TMEM198: variants seen among roughly 807,000 people sequenced by gnomAD.
The protein encoded by TMEM198 is transmembrane protein 198.
In TMEM198, 21 loss-of-function variants were observed where a neutral mutation model predicts 31.5. That is an observed-to-expected ratio of 0.67 (90% confidence interval 0.47 to 0.96). The LOEUF (loss-of-function observed/expected upper bound fraction) is 0.96. Ranked by LOEUF, TMEM198 falls within the 40% of genes least tolerant of loss-of-function variation. TMEM198 has a pLI of 0.00. For missense variants in TMEM198, 447 were observed against 499.4 expected, an observed-to-expected ratio of 0.89 and a Z score of 1.00; for synonymous variants, 211 against 223.3, an observed-to-expected ratio of 0.95 and a Z score of 0.49.
In TMEM198 at chr2:219,547,828, C is replaced by T. The variant is rs764888097; in HGVS notation, c.489C>T (p.Leu163=). The part of the protein sequence containing the change: ...LLGGGLLCAL[L]TLRWPRPLTT... ...GGGGCGGCCTGCTCTGTGCCCTGCT[C>T]ACTCTGCGCTGGCCCCGCCCACTCA... is the stretch of plus-strand genomic sequence containing the variant. Residue 163 remains leucine, a synonymous_variant, in exon 3 of 5, where the codon CTC becomes CTT. Transcript: ENST00000373883. 3.0e-5 allele frequency: 48 copies of T among 1,590,238 alleles called. No individual in the cohort carries two copies. The highest frequency in any genetic ancestry group is 3.8e-5 in the Non-Finnish European group (45 of 1,174,314).
At chr2:219,544,596 C>A (rs1695352882) in intron 1 of TMEM198, 93 bp from the exon 2 acceptor site, 2 of 996,110 alleles carry the variant, frequency 2.0e-6, no homozygotes, top group Admixed American at 4.4e-5. Flanking sequence ...TTCCTTTGTC[C>A]ACTGTCCTTG....
rs1050765035 is a variant in TMEM198 at position 219,544,807 on chromosome 2, A to G, written c.80A>G (p.Glu27Gly). ...PDDAFWGAPC[E>G]QPLERRYQAL... The stretch of plus-strand genomic sequence containing the variant: ...GATGCCTTCTGGGGTGCACCTTGTG[A>G]ACAGCCCCTGGAGCGCAGGTACCAG... The change falls in exon 2 of 5, where the codon GAA (glutamate) becomes GGA (glycine). Residue 27 changes from glutamate (E) to glycine (G), a missense_variant. Physicochemically the swap from Glu to Gly is moderately conservative, Grantham distance 98. Coordinates refer to ENST00000373883, the MANE Select transcript of TMEM198 (RefSeq NM_001005209.3). The G allele has an allele frequency of 6.2e-7, 1 of 1,614,134 alleles. No homozygotes were observed. The highest frequency in any genetic ancestry group is 8.5e-7 in the Non-Finnish European group (1 of 1,180,020).
chr2:219,548,077 G>T lies in TMEM198; in HGVS notation c.738G>T (p.Thr246=). Residue 246 remains threonine, a synonymous_variant, in exon 3 of 5, where the codon ACG becomes ACT. Transcript: ENST00000373883. ...WRVTAEGDSH[T]EVVISRQRRR... ...TGACAGCTGAGGGGGACTCCCACAC[G>T]GAAGGTAAGGGGGCACAGGCCAAGG... The T allele has an allele frequency of 6.5e-7, 1 of 1,548,232 alleles. No homozygotes were observed. The highest frequency in any genetic ancestry group is 2.3e-5 in the East Asian group (1 of 43,782).
Position 219,544,116 on chromosome 2 carries a change from C to A in TMEM198, c.-301C>A. On this transcript the variant is annotated 5_prime_UTR_variant, in exon 1 of 5. Coordinates refer to ENST00000373883, the MANE Select transcript of TMEM198 (RefSeq NM_001005209.3). ...GGCCGCGGTTCTGGGGCGGCCCGAGCCCCGGCTCCTGCGCCTTCCCCTTCC... is the reference window on the plus strand; with the variant it reads ...GGCCGCGGTTCTGGGGCGGCCCGAGACCCGGCTCCTGCGCCTTCCCCTTCC... 2.2e-6 allele frequency: 1 copy of A among 452,596 alleles called. No individual in the cohort carries two copies. Among genetic ancestry groups the A allele is most frequent in the Non-Finnish European group, 4.5e-6 (1 of 224,630 alleles). 28.0% of individuals were successfully genotyped at this position (452,596 alleles called of 1,614,324 possible).
At position 219,549,148 on chromosome 2, in the gene TMEM198, A is replaced by G. The variant is rs1695470484; in HGVS notation, c.743-4A>G. The G allele has an allele frequency of 1.2e-6, 2 of 1,613,774 alleles. No homozygotes were observed. The highest frequency in any genetic ancestry group is 1.7e-6 in the Non-Finnish European group (2 of 1,179,998). On this transcript the variant is annotated splice_region_variant and splice_polypyrimidine_tract_variant and intron_variant, in intron 3 of 4. Transcript: ENST00000373883. ...GAGCTCCTTCTCTACCCATCCCACC[A>G]CAGTGGTCATCAGCCGGCAGCGCCG...
rs1321835101 is a variant in TMEM198 at position 219,550,113 on chromosome 2, G to C, written c.*259G>C. 5 of 453,898 alleles carry C rather than the reference G, an allele frequency of 1.1e-5. No homozygotes were observed. The highest frequency in any genetic ancestry group is 2.0e-5 in the Non-Finnish European group (5 of 253,544). 28.1% of individuals were successfully genotyped at this position (453,898 alleles called of 1,614,324 possible). A position where few individuals can be genotyped will look rare whatever the true frequency, so the allele number is the denominator to read the frequency against. ...GCTCAGGGTTGTGAGTGTGTTGCCC[G>C]TGTGTCTGTGTGTATGTGTGTGGGG... is the stretch of plus-strand genomic sequence containing the variant. On this transcript the variant is annotated 3_prime_UTR_variant, in exon 5 of 5. Coordinates refer to ENST00000373883, the MANE Select transcript of TMEM198 (RefSeq NM_001005209.3).
Position 219,549,711 on chromosome 2 carries a change from C to T in TMEM198, c.946-6C>T. 1 of 1,613,446 alleles carries T rather than the reference C, an allele frequency of 6.2e-7. No individual in the cohort carries two copies. The highest frequency in any genetic ancestry group is 8.5e-7 in the Non-Finnish European group (1 of 1,179,700). ...GGGACTCACACCTATGTTTGCTCCC[C>T]CACAGAGCTATATCCAGAGCTTCCG... On this transcript the variant is annotated splice_region_variant and splice_polypyrimidine_tract_variant and intron_variant, in intron 4 of 4. Transcript: ENST00000373883.
At position 219,549,364 on chromosome 2, in the gene TMEM198, C is replaced by T; in HGVS notation, c.945+10C>T. 1.2e-6 allele frequency: 2 copies of T among 1,606,380 alleles called. No homozygotes were observed. The highest frequency in any genetic ancestry group is 1.7e-6 in the Non-Finnish European group (2 of 1,175,278). The stretch of plus-strand genomic sequence containing the variant: ...AGACGTCCTCTCCCCGGTGAGCTCC[C>T]TGAGCCCATCCAGCCAGAATGAGAA... On this transcript the variant is annotated intron_variant, in intron 4 of 4. Transcript: ENST00000373883.
chr2:219,549,810 C>G lies in TMEM198; in HGVS notation c.1039C>G (p.Arg347Gly), dbSNP rs200881491. 6.2e-7 allele frequency: 1 copy of G among 1,613,940 alleles called. No individual in the cohort carries two copies. The highest frequency in any genetic ancestry group is 1.7e-5 in the Admixed American group (1 of 59,998). Residue 347 changes from arginine (R) to glycine (G), a missense_variant, in exon 5 of 5, where the codon CGG becomes GGG. By Grantham distance (125) the Arg-to-Gly change is moderately radical. Coordinates refer to ENST00000373883, the MANE Select transcript of TMEM198 (RefSeq NM_001005209.3). Reference sequence around the variant, plus strand: ...AGATGCGGACTATGAGTATGGGTCCCGGGGACCTCTGACAGCCTGCTCAGG... The same window carrying G: ...AGATGCGGACTATGAGTATGGGTCCGGGGGACCTCTGACAGCCTGCTCAGG... ...PTDADYEYGS[R>G]GPLTACSGPP...
rs756298652 is a variant in TMEM198, at chr2:219,544,761, C to A, written c.34C>A (p.Leu12Met). ...PGTVATLRFQ[L>M]LPPEPDDAFW... ...GACTGTGGCAACACTGCGGTTCCAG[C>A]TGCTGCCCCCTGAGCCAGATGATGC... The change falls in exon 2 of 5, where the codon CTG (leucine) becomes ATG (methionine). Residue 12 changes from leucine (L) to methionine (M), a missense_variant. Transcript: ENST00000373883. 1 of 1,614,040 alleles carries A rather than the reference C, an allele frequency of 6.2e-7. No individual in the cohort carries two copies. The highest frequency in any genetic ancestry group is 1.3e-5 in the African/African-American group (1 of 74,938).
intron 2 of TMEM198, 123 bp downstream of exon 2, chr2:219,545,016 C>A: frequency 8.0e-7 from 1 of 1,242,376 alleles, no homozygotes; most frequent in Non-Finnish European, 1.1e-6. Context: ...TTCTTTCATC[C>A]CACACATTTA....
chr2:219,544,799 A>T lies in TMEM198; in HGVS notation c.72A>T (p.Ala24=). 5 of 1,614,164 alleles carry T rather than the reference A, an allele frequency of 3.1e-6. No individual in the cohort carries two copies. Among genetic ancestry groups the T allele is most frequent in the Non-Finnish European group, 4.2e-6 (5 of 1,180,024 alleles). ...AGCCAGATGATGCCTTCTGGGGTGC[A>T]CCTTGTGAACAGCCCCTGGAGCGCA... The part of the protein sequence containing the change: ...PPEPDDAFWG[A]PCEQPLERRY... Residue 24 remains alanine, a synonymous_variant, in exon 2 of 5, where the codon GCA becomes GCT. Coordinates refer to ENST00000373883, the MANE Select transcript of TMEM198 (RefSeq NM_001005209.3).
rs1157280949 is a variant in TMEM198, at chr2:219,549,298, G to A, written c.889G>A (p.Ala297Thr). The A allele has an allele frequency of 3.1e-6, 5 of 1,613,270 alleles. No individual in the cohort carries two copies. The highest frequency in any genetic ancestry group is 1.7e-5 in the Admixed American group (1 of 60,000). The change falls in exon 4 of 5, where the codon GCT becomes ACT. Residue 297 changes from alanine (A) to threonine (T), a missense_variant. By Grantham distance (58) the Ala-to-Thr change is moderately conservative. Coordinates refer to ENST00000373883, the MANE Select transcript of TMEM198 (RefSeq NM_001005209.3). ...TCCCAGGCCTGGGCCACCAGACCCT[G>A]CTTATCGGCGCAGGCCAGTGCCCAT... ...APPRPGPPDP[A>T]YRRRPVPIKR...
At chr2:219,543,869 G>T (rs1348376659), upstream of TMEM198, 1 of 375,636 alleles carries the variant, frequency 2.7e-6, no homozygotes, top group Non-Finnish European at 4.9e-6. Flanking sequence ...GAGGAGAAGG[G>T]GGAGGTTAAA....
intron 3 of TMEM198, 58 bp from the exon 4 acceptor site, chr2:219,549,094 C>T: frequency 6.3e-7 from 1 of 1,599,040 alleles, no homozygotes; most frequent in Non-Finnish European, 8.6e-7. Flanking sequence ...AGAGGGAGGG[C>T]TCAAGGGAAA....
intron 2 of TMEM198, 53 bp downstream of exon 2, chr2:219,544,946 CT>C: frequency 1.3e-6 from 2 of 1,593,750 alleles, no homozygotes; most frequent in Non-Finnish European, 1.7e-6. Flanking sequence ...TCCCCGAGTT[CT>C]TTTTCTGGGC....
intron 3 of TMEM198, 143 bp from the exon 4 acceptor site, chr2:219,549,009 A>G: frequency 1.2e-6 from 1 of 828,988 alleles, no homozygotes; most frequent in Non-Finnish European, 1.9e-6. Context: ...GAGACCAGGA[A>G]AGGAAGTGAC....
At chr2:219,543,865 A>C, upstream of TMEM198, 2 of 372,238 alleles carry the variant, frequency 5.4e-6, no homozygotes, top group East Asian at 5.6e-5. Flanking sequence ...GAGGGAGGAG[A>C]AGGGGGAGGT....
chr2:219,544,630 C>A, intron 1 of TMEM198, 59 bp from the exon 2 acceptor site: 1 of 1,436,762 alleles, frequency 7.0e-7, no homozygotes. Context: ...ATCCCTCTCC[C>A]ACCCCCATCC....
Sources: gnomAD v4.1 joint callset for allele counts on GRCh38, gnomAD v4.1.1 for gene constraint, MANE v1.5 for transcripts, NCBI Gene and HGNC (gene_info 2026-07-23, HGNC 2026-07-21) for gene names.